Variants in SWT1 observed in about 807,000 individuals in gnomAD.
SWT1 encodes the protein transcriptional protein SWT1.
Under a neutral mutation model 107.3 loss-of-function variants are expected in SWT1, and 33 were observed. The ratio of observed to expected loss-of-function variants is 0.31; its 90% confidence interval spans 0.23 to 0.41. The LOEUF (loss-of-function observed/expected upper bound fraction) is 0.41, where lower values mean the gene tolerates loss of function less well. Ranked by LOEUF, SWT1 falls within the 10% of genes least tolerant of loss-of-function variation. SWT1 has a pLI of 1.00. For missense variants in SWT1, 898 were observed against 1,028.9 expected, an observed-to-expected ratio of 0.87 and a Z score of 1.74; for synonymous variants, 345 against 348.3, an observed-to-expected ratio of 0.99 and a Z score of 0.11.
intron 10 of SWT1, among the ~76,000 whole-genome samples, chr1:185,191,394 T>A (rs995814088): frequency 1.3e-5 from 2 of 152,176 alleles, no homozygotes; most frequent in Non-Finnish European, 2.9e-5. Context: ...AGTTTTTTTT[T>A]AATCAGTCTA....
At chr1:185,206,524 A>G (rs1001599358) in intron 12 of SWT1, 101 bp from the exon 13 acceptor site, 4 of 605,180 alleles carry the variant, frequency 6.6e-6, no homozygotes, top group African/African-American at 5.7e-5. Context: ...CCAACTAATT[A>G]TATTTTGCTC....
intron 17 of SWT1, 118 bp from the exon 18 acceptor site, chr1:185,276,486 C>A (rs1456746716): frequency 9.6e-6 from 5 of 521,904 alleles, no homozygotes; most frequent in Non-Finnish European, 1.7e-5. Context: ...CTGTTTAATC[C>A]TTTTTATGCA....
Position 185,182,668 on chromosome 1 carries a change from C to CAAA in SWT1, c.1138+633_1138+635dup, listed in dbSNP as rs59326029. Among the ~76,000 whole-genome samples the CAAA allele has an allele frequency of 5.3e-3, 352 of 66,644 alleles. 1 individual carries two copies. The highest frequency in any genetic ancestry group is 0.011 in the Middle Eastern group (1 of 88). 43.7% of individuals were successfully genotyped at this position (66,644 alleles called of 152,430 possible). A position where few individuals can be genotyped will look rare whatever the true frequency, so the allele number is the denominator to read the frequency against. Reference sequence around the variant, plus strand: ...TGACAGAACAAGACCCTCTCTCTCTCAAAAAAAAAAAAAAAAAAAAAAAAG... The same window carrying CAAA: ...TGACAGAACAAGACCCTCTCTCTCTCAAAAAAAAAAAAAAAAAAAAAAAAAAAG... On this transcript the variant is annotated intron_variant, in intron 7 of 18. Transcript: ENST00000367500.
At chr1:185,241,335 G>A (rs1661242876) in intron 16 of SWT1, among the ~76,000 whole-genome samples, 1 of 152,008 alleles carries the variant, frequency 6.6e-6, no homozygotes, top group Non-Finnish European at 1.5e-5. Context: ...TTTCTTTGAG[G>A]CTTGGCCTTT....
At chr1:185,215,235 C>G (rs1659126420) in intron 14 of SWT1, among the ~76,000 whole-genome samples, 1 of 152,160 alleles carries the variant, frequency 6.6e-6, no homozygotes, top group Non-Finnish European at 1.5e-5. Flanking sequence ...ACCTGTCTGT[C>G]TGTCCATCTA....
At chr1:185,252,850 C>T (rs1219605448) in intron 16 of SWT1, among the ~76,000 whole-genome samples, 18 of 149,492 alleles carry the variant, frequency 1.2e-4, no homozygotes, top group Non-Finnish European at 2.2e-4. Context: ...GACATGAAGT[C>T]CTTGCCCATG....
At chr1:185,226,483 C>T (rs890291871) in intron 15 of SWT1, among the ~76,000 whole-genome samples, 3 of 152,054 alleles carry the variant, frequency 2.0e-5, no homozygotes, top group East Asian at 1.9e-4. Flanking sequence ...TGCCTGTAAT[C>T]CCAGCACTTT....
chr1:185,206,655 C>T lies in SWT1; in HGVS notation c.1864C>T (p.Leu622=), dbSNP rs1658357838. 6.2e-7 allele frequency: 1 copy of T among 1,601,938 alleles called. No individual in the cohort carries two copies. The highest frequency in any genetic ancestry group is 8.5e-7 in the Non-Finnish European group (1 of 1,174,230). Reference sequence around the variant, plus strand: ...GTACCTGAAACCACCATGGACTCTACTACATTTACTACAGTGCTTTAAAAA... The same window carrying T: ...GTACCTGAAACCACCATGGACTCTATTACATTTACTACAGTGCTTTAAAAA... ...ILYLKPPWTL[L]HLLQCFKKHW... The change falls in exon 13 of 19, where the codon CTA becomes TTA. Residue 622 remains leucine, a synonymous_variant. Coordinates refer to ENST00000367500, the MANE Select transcript of SWT1 (RefSeq NM_017673.7).
chr1:185,174,700 G>C lies in SWT1; in HGVS notation c.553G>C (p.Glu185Gln). The change falls in exon 5 of 19, where the codon GAA becomes CAA. Residue 185 changes from glutamate to glutamine, a missense_variant. Glu to Gln is a conservative substitution (Grantham distance 29). This residue lies in a region of SWT1 where 382 missense variants were observed against 362.4 expected (regional missense o/e 1.05). Transcript: ENST00000367500. The part of the protein sequence containing the change: ...HLLVQREKMK[E>Q]LKKGRNSKFR... Reference sequence around the variant, plus strand: ...ACTTGTTCAGAGAGAGAAGATGAAAGAACTCAAGAAAGGAAGAAACAGTAA... The same window carrying C: ...ACTTGTTCAGAGAGAGAAGATGAAACAACTCAAGAAAGGAAGAAACAGTAA... 1 of 1,613,472 alleles carries C rather than the reference G, an allele frequency of 6.2e-7. No homozygotes were observed. Among genetic ancestry groups the C allele is most frequent in the Non-Finnish European group, 8.5e-7 (1 of 1,179,862 alleles).
intron 1 of SWT1, among the ~76,000 whole-genome samples, chr1:185,158,505 ATTTCT>A (rs1329561622): frequency 6.9e-6 from 1 of 144,670 alleles, no homozygotes; most frequent in Non-Finnish European, 1.5e-5. Flanking sequence ...TCTTGTTCTC[ATTTCT>A]TTTTTTTTTT....
chr1:185,227,008 T>C (rs1380775912), intron 15 of SWT1: 2 of 887,540 alleles, frequency 2.3e-6, no homozygotes, highest in Admixed American at 1.7e-5. Context: ...TCTGGAGTTA[T>C]GCTGTTCTTT....
At chr1:185,243,228 C>A (rs1165659693) in intron 16 of SWT1, among the ~76,000 whole-genome samples, 2 of 152,100 alleles carry the variant, frequency 1.3e-5, no homozygotes, top group Non-Finnish European at 2.9e-5. Flanking sequence ...CTCACCTCAG[C>A]CTCTGGAGTA....
chr1:185,289,284 C>G (rs995459190), intron 18 of SWT1, among the ~76,000 whole-genome samples: 2 of 152,176 alleles, frequency 1.3e-5, no homozygotes, highest in African/African-American at 4.8e-5. Flanking sequence ...AACATGAAGA[C>G]AACCTTGGTG....
At chr1:185,275,046 T>C (rs1045029538) in intron 17 of SWT1, among the ~76,000 whole-genome samples, 1 of 152,228 alleles carries the variant, frequency 6.6e-6, no homozygotes, top group Non-Finnish European at 1.5e-5. Flanking sequence ...TGGTTGCTTT[T>C]ACAACTAGAG....
chr1:185,203,709 A>G (rs1222756403), intron 11 of SWT1, among the ~76,000 whole-genome samples: 1 of 152,126 alleles, frequency 6.6e-6, no homozygotes, highest in African/African-American at 2.4e-5. Flanking sequence ...ATTTGAAGAA[A>G]TATTTTATTA....
chr1:185,181,068 G>C (rs1250400365), intron 6 of SWT1, among the ~76,000 whole-genome samples: 1 of 152,184 alleles, frequency 6.6e-6, no homozygotes, highest in Non-Finnish European at 1.5e-5. Flanking sequence ...AGGAGTTCGA[G>C]ACCAGCCTGG....
chr1:185,238,015 A>G (rs562319603), intron 16 of SWT1, among the ~76,000 whole-genome samples: 3 of 151,164 alleles, frequency 2.0e-5, no homozygotes, highest in South Asian at 2.1e-4. Context: ...TAAACAGAGT[A>G]TTACTGTGTT....
At chr1:185,220,501 T>G (rs1191360047) in intron 14 of SWT1, among the ~76,000 whole-genome samples, 1 of 152,206 alleles carries the variant, frequency 6.6e-6, no homozygotes, top group African/African-American at 2.4e-5. Flanking sequence ...TCTTCCCCTC[T>G]TATTTTTGCT....
intron 18 of SWT1, among the ~76,000 whole-genome samples, chr1:185,284,112 T>A (rs1329793655): frequency 3.3e-5 from 5 of 152,224 alleles, no homozygotes; most frequent in Admixed American, 3.3e-4. Flanking sequence ...CACTTGTTAT[T>A]TTCCCTTTTT....
Sources: gnomAD v4.1 joint callset for allele counts (sites outside exome capture counted in the v4.1 genomes callset) on GRCh38, gnomAD v4.1.1 for gene constraint, gnomAD v4.1.1 regional missense constraint, MANE v1.5 for transcripts, NCBI Gene and HGNC (gene_info 2026-07-23, HGNC 2026-07-21) for gene names.